The following NGEF variants were observed in gnomAD, a reference collection of about 807,000 sequenced individuals.
NGEF encodes ephexin-1.
In NGEF, 31 loss-of-function variants were observed where a neutral mutation model predicts 80.9. That is an observed-to-expected ratio of 0.38 (90% CI 0.29 to 0.52). The LOEUF is 0.52. Ranked by LOEUF, NGEF falls within the 20% of genes least tolerant of loss-of-function variation. NGEF has a pLI of 0.84. For synonymous variants in NGEF, 371 were observed against 370.2 expected, an observed-to-expected ratio of 1.00 and a Z score of -0.03; for missense variants, 709 against 926.2, an observed-to-expected ratio of 0.77 and a Z score of 3.04.
rs375439422 is a variant in NGEF at position 232,988,468 on chromosome 2, T to C, written c.-74-13504A>G. On this transcript the variant is annotated intron_variant, in intron 1 of 14. Coordinates refer to ENST00000264051, the MANE Select transcript of NGEF (RefSeq NM_019850.3). ...GCTATATTGGCAAAAACTCAAAAGT[T>C]TGAAGAGTGATTGGTGCAGCCAAGG... Among the ~76,000 whole-genome samples the C allele has an allele frequency of 5.8e-4, 88 of 152,316 alleles. 2 individuals are homozygous for C. The South Asian group carries it at 0.017, about 30-fold the overall frequency.
At chr2:232,969,340 G>C (rs4312479) in intron 3 of NGEF, among the ~76,000 whole-genome samples, 56,728 of 151,310 alleles carry the variant, frequency 0.37, 11,500 homozygotes, top group East Asian at 0.7. Flanking sequence ...AAAATCCTGG[G>C]CTCAAACAAT....
intron 3 of NGEF, among the ~76,000 whole-genome samples, chr2:232,935,023 T>G (rs185956139): frequency 9.4e-4 from 142 of 151,468 alleles, no homozygotes; most frequent in South Asian, 1.0e-3. Flanking sequence ...AAAAAAATAA[T>G]AATAAGAATA....
At chr2:232,980,535 G>A (rs1694391269) in intron 1 of NGEF, among the ~76,000 whole-genome samples, 1 of 151,716 alleles carries the variant, frequency 6.6e-6, no homozygotes, top group Non-Finnish European at 1.5e-5. Context: ...GTCTTGCTCT[G>A]TCGCCTAGGC....
chr2:232,979,507 G>A (rs1402216063), intron 1 of NGEF, among the ~76,000 whole-genome samples: 1 of 151,986 alleles, frequency 6.6e-6, no homozygotes, highest in Non-Finnish European at 1.5e-5. Flanking sequence ...GCTTTGATTC[G>A]TCTATAACGA....
At chr2:233,011,039 G>C (rs1266789831) in intron 1 of NGEF, among the ~76,000 whole-genome samples, 2 of 152,122 alleles carry the variant, frequency 1.3e-5, no homozygotes, top group Admixed American at 1.3e-4. Flanking sequence ...CCCCTGCTCC[G>C]CTGGGCCACG....
intron 5 of NGEF, among the ~76,000 whole-genome samples, chr2:232,908,842 A>G (rs530660927): frequency 2.0e-5 from 3 of 151,634 alleles, no homozygotes; most frequent in South Asian, 4.1e-4. Flanking sequence ...TGGGGTGCTC[A>G]TGTTTTTCTT....
chr2:232,929,625 G>A (rs1693178828), intron 3 of NGEF, among the ~76,000 whole-genome samples: 1 of 152,138 alleles, frequency 6.6e-6, no homozygotes, highest in Admixed American at 6.5e-5. Flanking sequence ...GCCAAGCACC[G>A]CCCTTCCTTG....
chr2:232,968,984 C>T (rs1259651747), intron 3 of NGEF, among the ~76,000 whole-genome samples: 4 of 152,160 alleles, frequency 2.6e-5, no homozygotes, highest in East Asian at 1.9e-4. Flanking sequence ...TCCATGCAGG[C>T]GTGAAGGAGC....
chr2:232,970,227 C>T lies in NGEF; in HGVS notation c.370G>A (p.Ala124Thr), dbSNP rs771826989. The T allele has an allele frequency of 6.3e-7, 1 of 1,587,544 alleles. No individual in the cohort carries two copies. Among genetic ancestry groups the T allele is most frequent in the South Asian group, 1.1e-5 (1 of 87,132 alleles). The change falls in exon 3 of 15, where the codon GCC becomes ACC. Residue 124 changes from alanine (A) to threonine (T), a missense_variant. Physicochemically the swap from Ala to Thr is moderately conservative, Grantham distance 58. Coordinates refer to ENST00000264051, the MANE Select transcript of NGEF (RefSeq NM_019850.3). ...CRTAMQTDPGAQEMSESSSTP... is the reference protein window; with the variant it reads ...CRTAMQTDPGTQEMSESSSTP... ...GCCATCTCTTACCTCATTTCCTGGGCTCCTGGGTCTGTCTGCATTGCTGTT... is the reference window on the plus strand; with the variant it reads ...GCCATCTCTTACCTCATTTCCTGGGTTCCTGGGTCTGTCTGCATTGCTGTT...
chr2:232,969,472 T>TCCTTCCTTCTTC (rs113106676), intron 3 of NGEF, among the ~76,000 whole-genome samples: 1 of 92,724 alleles, frequency 1.1e-5, no homozygotes, highest in Non-Finnish European at 1.9e-5. Context: ...CTTCCTTCCT[T>TCCTTCCTTCTTC]CTTCCTTCCT....
chr2:232,885,250 C>T (rs778307230), intron 10 of NGEF, 30 bp downstream of exon 10: 5 of 1,605,286 alleles, frequency 3.1e-6, no homozygotes. Flanking sequence ...TGTGCATGGG[C>T]ACAGGCTCAC....
intron 3 of NGEF, among the ~76,000 whole-genome samples, chr2:232,940,210 A>G (rs1191587884): frequency 6.6e-6 from 1 of 152,202 alleles, no homozygotes; most frequent in Non-Finnish European, 1.5e-5. Flanking sequence ...AGTGTCTCAT[A>G]AGGAAACTGG....
intron 5 of NGEF, among the ~76,000 whole-genome samples, chr2:232,906,097 C>T (rs1244685156): frequency 9.8e-6 from 1 of 102,478 alleles, no homozygotes; most frequent in East Asian, 2.9e-4. Flanking sequence ...GCCTGGTCAG[C>T]CGTCCCGTCT....
chr2:232,924,623 A>G (rs1693021479), intron 4 of NGEF, among the ~76,000 whole-genome samples: 1 of 152,188 alleles, frequency 6.6e-6, no homozygotes, highest in South Asian at 2.1e-4. Flanking sequence ...GCCTGGAGCT[A>G]TGGCAGCCAT....
At chr2:232,955,499 A>G (rs1693803144) in intron 3 of NGEF, among the ~76,000 whole-genome samples, 1 of 152,080 alleles carries the variant, frequency 6.6e-6, no homozygotes, top group Non-Finnish European at 1.5e-5. Flanking sequence ...GCAGTTCTTC[A>G]GTCTTTGCTT....
At chr2:232,964,791 T>C (rs1359662454) in intron 3 of NGEF, among the ~76,000 whole-genome samples, 1 of 152,198 alleles carries the variant, frequency 6.6e-6, no homozygotes, top group Non-Finnish European at 1.5e-5. Context: ...CACTGTAGAG[T>C]ACACACTGTG....
intron 5 of NGEF, among the ~76,000 whole-genome samples, chr2:232,913,868 C>T (rs924586152): frequency 2.0e-5 from 3 of 152,056 alleles, no homozygotes; most frequent in Non-Finnish European, 4.4e-5. Context: ...TGCAGTGAGC[C>T]GAGATCCTGC....
At position 232,974,913 on chromosome 2, in the gene NGEF, CAGCAG is replaced by C. The variant is rs1266767537; in HGVS notation, c.-28_-24del. 6.2e-7 allele frequency: 1 copy of C among 1,606,624 alleles called. No individual in the cohort carries two copies. The highest frequency in any genetic ancestry group is 8.5e-7 in the Non-Finnish European group (1 of 1,176,966). On this transcript the variant is annotated 5_prime_UTR_variant, in exon 2 of 15. It removes the in-frame stop codon of an upstream open reading frame in the 5' UTR. Transcript: ENST00000264051. ...CATGGAAATAGAGCCAGATGTTTCTCAGCAGAACGACTGGAGGTCAATGACTTTCC... is the reference window on the plus strand; with the variant it reads ...CATGGAAATAGAGCCAGATGTTTCTCAACGACTGGAGGTCAATGACTTTCC...
intron 3 of NGEF, among the ~76,000 whole-genome samples, chr2:232,966,285 C>G (rs1389099590): frequency 6.6e-6 from 1 of 152,162 alleles, no homozygotes; most frequent in Non-Finnish European, 1.5e-5. Context: ...TCTTAAGCCT[C>G]GACTCCAGCA....
Sources: gnomAD v4.1 joint callset for allele counts (sites outside exome capture counted in the v4.1 genomes callset) on GRCh38, gnomAD v4.1.1 for gene constraint, MANE v1.5 for transcripts, NCBI Gene and HGNC (gene_info 2026-07-23, HGNC 2026-07-21) for gene names.